PNPT1: variants seen among roughly 807,000 people sequenced by gnomAD.
PNPT1 encodes polyribonucleotide nucleotidyltransferase 1, mitochondrial.
PNPT1 carries 53 observed loss-of-function variants against 119.5 expected under a neutral mutation model. The observed-to-expected ratio is 0.44, with a 90% CI of 0.36 to 0.56. The LOEUF (loss-of-function observed/expected upper bound fraction) is 0.56, where lower values mean the gene tolerates loss of function less well. PNPT1 is among the 20% of genes least tolerant of loss of function. PNPT1 has a pLI of 0.00. For missense variants in PNPT1, 948 were observed against 938.5 expected (o/e 1.01, Z -0.13); for synonymous variants, 357 against 322.1 (o/e 1.11, Z -1.16).
intron 8 of PNPT1, among the ~76,000 whole-genome samples, chr2:55,677,932 A>G (rs1294339617): frequency 6.6e-6 from 1 of 151,934 alleles, no homozygotes; most frequent in Non-Finnish European, 1.5e-5. Context: ...TAGTAGAGAC[A>G]GGGTTTCACT....
rs1041804330 is a variant in PNPT1 at position 55,662,052 on chromosome 2, G to A, written c.1177-26C>T. ...CTAAAAAAGAAAAAGAATTCCTCAG[G>A]CTTTAATATACTAACCACAAAGATG... is the stretch of plus-strand genomic sequence containing the variant. On this transcript the variant is annotated intron_variant, in intron 13 of 27. Transcript: ENST00000447944. 22 of 1,513,240 alleles carry A rather than the reference G, an allele frequency of 1.5e-5. No individual in the cohort carries two copies. In the Admixed American group the frequency reaches 2.5e-4, roughly 17 times the overall value. 93.7% of individuals were successfully genotyped at this position (1,513,240 alleles called of 1,614,324 possible).
At chr2:55,646,229 A>G in intron 21 of PNPT1, 30 bp downstream of exon 21, 5 of 1,579,480 alleles carry the variant, frequency 3.2e-6, no homozygotes, top group Non-Finnish European at 3.5e-6. Flanking sequence ...GTGGAAAAGA[A>G]TGAAGGGAGA....
At chr2:55,656,829 C>T (rs1051965899) in intron 15 of PNPT1, among the ~76,000 whole-genome samples, 1 of 152,090 alleles carries the variant, frequency 6.6e-6, no homozygotes, top group Admixed American at 6.6e-5. Flanking sequence ...AGATATGAAA[C>T]AAAATACATG....
intron 13 of PNPT1, among the ~76,000 whole-genome samples, chr2:55,664,126 CTA>C (rs1696662844): frequency 6.6e-6 from 1 of 152,150 alleles, no homozygotes; most frequent in Non-Finnish European, 1.5e-5. Flanking sequence ...ATATAAAAGC[CTA>C]TCTTTTTCTT....
intron 9 of PNPT1, among the ~76,000 whole-genome samples, chr2:55,672,627 C>T (rs1696948935): frequency 6.6e-6 from 1 of 152,072 alleles, no homozygotes; most frequent in African/African-American, 2.4e-5. Context: ...ATTCTTTTTC[C>T]TAGACGTGGA....
In PNPT1 at chr2:55,656,174, A is replaced by G; in HGVS notation, c.1398T>C (p.Phe466=). ...KALYPVIPRD[F]PFTIRVTSEV... is the part of the protein sequence containing the mutation. ...CAGATGTAACTCTTATGGTGAAAGG[A>G]AAATCTCGGGGAATAACAGGATACA... Residue 466 remains phenylalanine (F), a synonymous_variant, in exon 17 of 28, where the codon TTT becomes TTC. Coordinates refer to ENST00000447944, the MANE Select transcript of PNPT1 (RefSeq NM_033109.5). 2.5e-6 allele frequency: 4 copies of G among 1,613,594 alleles called. No individual in the cohort carries two copies. Among genetic ancestry groups the G allele is most frequent in the Non-Finnish European group, 3.4e-6 (4 of 1,179,716 alleles).
At chr2:55,639,544 A>C (rs949632072) in intron 26 of PNPT1, among the ~76,000 whole-genome samples, 1 of 152,206 alleles carries the variant, frequency 6.6e-6, no homozygotes, top group East Asian at 1.9e-4. Context: ...ATTGCTGTTG[A>C]TATTAAATAT....
chr2:55,680,425 TAAAA>T (rs35483599), intron 7 of PNPT1, among the ~76,000 whole-genome samples: 11 of 132,208 alleles, frequency 8.3e-5, no homozygotes, highest in Admixed American at 7.6e-5. Flanking sequence ...ATTTCCCAGT[TAAAA>T]AAAAAAAAAA....
intron 18 of PNPT1, among the ~76,000 whole-genome samples, chr2:55,653,099 C>G (rs1242961607): frequency 6.6e-6 from 1 of 152,226 alleles, no homozygotes; most frequent in Admixed American, 6.5e-5. Flanking sequence ...CCACCCACCT[C>G]AGGCTCCCAA....
chr2:55,645,441 G>C lies in PNPT1; in HGVS notation c.1739-9C>G, dbSNP rs531293008. The C allele has an allele frequency of 3.2e-6, 5 of 1,560,014 alleles. No individual in the cohort carries two copies. The South Asian group carries it at 4.5e-5, about 14-fold the overall frequency. ...TATCTCCTTTTTTGCCACTAGAAGA[G>C]AAAAACACAAAAATTATAACTACAT... is the stretch of plus-strand genomic sequence containing the variant. On this transcript the variant is annotated splice_polypyrimidine_tract_variant and intron_variant, in intron 21 of 27. Transcript: ENST00000447944.
intron 11 of PNPT1, among the ~76,000 whole-genome samples, chr2:55,670,009 T>C (rs113293327): frequency 6.6e-6 from 1 of 152,086 alleles, no homozygotes; most frequent in Admixed American, 6.5e-5. Flanking sequence ...TCCACCCACT[T>C]TGGCTTCCCA....
chr2:55,646,558 T>A, intron 19 of PNPT1, 72 bp from the exon 20 acceptor site: 1 of 1,289,940 alleles, frequency 7.8e-7, no homozygotes, highest in South Asian at 1.3e-5. Context: ...TGTAGAAACA[T>A]TTCAAAAAAC....
intron 23 of PNPT1, 81 bp from the exon 24 acceptor site, chr2:55,643,506 G>T: frequency 8.5e-7 from 1 of 1,180,804 alleles, no homozygotes; most frequent in South Asian, 1.3e-5. Flanking sequence ...GCACTCTGGG[G>T]GGCTGAGGTG....
In PNPT1 at chr2:55,673,772, T is replaced by C. The variant is rs528092146; in HGVS notation, c.680-693A>G. Reference sequence around the variant, plus strand: ...CTTTTTATATTTTTAAAAGGCCATATGTATGTCCTTTTCTGTGAACTGTTT... The same window carrying C: ...CTTTTTATATTTTTAAAAGGCCATACGTATGTCCTTTTCTGTGAACTGTTT... On this transcript the variant is annotated intron_variant, in intron 8 of 27. Coordinates refer to ENST00000447944, the MANE Select transcript of PNPT1 (RefSeq NM_033109.5). Among the ~76,000 whole-genome samples, 15 of 151,940 alleles carry C rather than the reference T, an allele frequency of 9.9e-5. No homozygotes were observed. The South Asian group carries it at 2.3e-3, about 23-fold the overall frequency.
intron 18 of PNPT1, among the ~76,000 whole-genome samples, chr2:55,653,445 C>G (rs1262008559): frequency 6.6e-6 from 1 of 152,084 alleles, no homozygotes; most frequent in Non-Finnish European, 1.5e-5. Flanking sequence ...ATGATGTCAT[C>G]TTTTATTTTT....
intron 18 of PNPT1, among the ~76,000 whole-genome samples, chr2:55,653,256 C>T (rs903121430): frequency 1.3e-5 from 2 of 152,170 alleles, no homozygotes; most frequent in African/African-American, 4.8e-5. Flanking sequence ...AAATACTTTT[C>T]TTCTCTTCCA....
chr2:55,670,365 T>C lies in PNPT1; in HGVS notation c.976+954A>G, dbSNP rs898083884. ...CCACGCCCGGCTAACTTTTTGTATT[T>C]TTAGTAGAGACAGGGTTTCACCGTA... On this transcript the variant is annotated intron_variant, in intron 11 of 27. Transcript: ENST00000447944. 2.6e-5 allele frequency among the ~76,000 whole-genome samples: 4 copies of C among 152,082 alleles called. No individual in the cohort carries two copies. In the East Asian group the frequency reaches 7.8e-4, roughly 30 times the overall value.
intron 4 of PNPT1, among the ~76,000 whole-genome samples, chr2:55,684,183 T>C (rs534674515): frequency 2.0e-5 from 3 of 152,232 alleles, no homozygotes; most frequent in Non-Finnish European, 4.4e-5. Context: ...GAAGACTGTA[T>C]ATAAATATAC....
At position 55,643,404 on chromosome 2, in the gene PNPT1, TCCA is replaced by T. The variant is rs1572796197; in HGVS notation, c.1925_1927del (p.Val642del). The stretch of plus-strand genomic sequence containing the variant: ...TGCAAATACAGAAAACGTTTCTTCA[TCCA>T]CCTGACTAATAGTTACACCTTTTAA... On this transcript the variant is annotated inframe_deletion, in exon 24 of 28. Coordinates refer to ENST00000447944, the MANE Select transcript of PNPT1 (RefSeq NM_033109.5). 1.2e-6 allele frequency: 2 copies of T among 1,613,972 alleles called. No individual in the cohort carries two copies. Among genetic ancestry groups the T allele is most frequent in the Non-Finnish European group, 1.7e-6 (2 of 1,179,998 alleles).
Sources: allele counts gnomAD v4.1 joint callset (sites outside exome capture counted in the v4.1 genomes callset), GRCh38; gene constraint gnomAD v4.1.1; transcripts MANE v1.5; gene names NCBI Gene and HGNC (gene_info 2026-07-23, HGNC 2026-07-21).